Variants in MPDZ observed in about 807,000 individuals in gnomAD.
MPDZ encodes the protein multiple PDZ domain protein.
In MPDZ, 234 loss-of-function variants were observed where a neutral mutation model predicts 239.1. The observed-to-expected ratio is 0.98, with a 90% confidence interval of 0.88 to 1.09. The LOEUF (loss-of-function observed/expected upper bound fraction) is 1.09, where lower values mean the gene tolerates loss of function less well. Among genes scored for constraint, MPDZ ranks in the 50% least tolerant of loss-of-function variants. The pLI is 0.00. For missense variants in MPDZ, 3,175 were observed against 2,510.0 expected (o/e 1.26, Z -5.66); for synonymous variants, 1,048 against 881.3 (o/e 1.19, Z -3.35).
rs138812230 is a variant in MPDZ at position 13,170,746 on chromosome 9, T to C, written c.3056-2182A>G. Among the ~76,000 whole-genome samples the C allele has an allele frequency of 4.9e-3, 749 of 152,302 alleles. 4 individuals carry two copies. The highest frequency in any genetic ancestry group is 0.017 in the African/African-American group (709 of 41,562). ...GCCAACATGATCTCTGAATTCACTT[T>C]TAATAGCATATTTAACTCACGATTC... is the stretch of plus-strand genomic sequence containing the variant. On this transcript the variant is annotated intron_variant, in intron 21 of 46. Coordinates refer to ENST00000319217, the MANE Select transcript of MPDZ (RefSeq NM_001378778.1).
chr9:13,125,401 G>T lies in MPDZ; in HGVS notation c.4633-11C>A. ...CAGAAGGCTAATAAACTGGCAGGGTGTATGTGTGGAAGAGAAACAAAATTC... is the reference window on the plus strand; with the variant it reads ...CAGAAGGCTAATAAACTGGCAGGGTTTATGTGTGGAAGAGAAACAAAATTC... On this transcript the variant is annotated splice_polypyrimidine_tract_variant and intron_variant, in intron 34 of 46. Transcript: ENST00000319217. 6.8e-6 allele frequency: 11 copies of T among 1,610,712 alleles called. No individual in the cohort carries two copies. Among genetic ancestry groups the T allele is most frequent in the Non-Finnish European group, 9.3e-6 (11 of 1,177,504 alleles).
chr9:13,214,838 A>C (rs965557740), intron 10 of MPDZ, among the ~76,000 whole-genome samples: 17 of 152,090 alleles, frequency 1.1e-4, no homozygotes, highest in South Asian at 2.1e-4. Flanking sequence ...TGGCAAGCAC[A>C]ACTTGATCTT....
Position 13,257,927 on chromosome 9 carries a change from C to T in MPDZ, c.-57-7555G>A, listed in dbSNP as rs562232963. On this transcript the variant is annotated intron_variant, in intron 1 of 46. Transcript: ENST00000319217. ...TTTTATCTAACAATCCTACTATGTA[C>T]ATGCTAGCTTAGAAATAACAACATA... 1.3e-4 allele frequency among the ~76,000 whole-genome samples: 20 copies of T among 152,266 alleles called. No homozygotes were observed. In the East Asian group the frequency reaches 3.7e-3, roughly 28 times the overall value.
intron 1 of MPDZ, among the ~76,000 whole-genome samples, chr9:13,250,734 A>G (rs1258202414): frequency 3.4e-5 from 5 of 147,128 alleles, no homozygotes; most frequent in African/African-American, 7.6e-5. Flanking sequence ...TTAACTCCAC[A>G]TAAGAAATTC....
At chr9:13,198,830 T>C (rs1956026017) in intron 12 of MPDZ, among the ~76,000 whole-genome samples, 1 of 150,408 alleles carries the variant, frequency 6.6e-6, no homozygotes. Context: ...GTTGGTGTGA[T>C]GCCTCTAGCT....
intron 10 of MPDZ, among the ~76,000 whole-genome samples, chr9:13,209,628 T>A (rs2135830159): frequency 6.6e-6 from 1 of 152,314 alleles, no homozygotes; most frequent in East Asian, 1.9e-4. Context: ...GGTGCATGTA[T>A]CTTCCTATGA....
At chr9:13,183,606 T>G in intron 18 of MPDZ, 21 bp from the exon 19 acceptor site, 2 of 1,608,734 alleles carry the variant, frequency 1.2e-6, no homozygotes, top group South Asian at 2.2e-5. Flanking sequence ...AACAATAATA[T>G]CAGTTGGGAA....
At chr9:13,133,211 G>A (rs1946261603) in intron 32 of MPDZ, among the ~76,000 whole-genome samples, 1 of 152,108 alleles carries the variant, frequency 6.6e-6, no homozygotes, top group African/African-American at 2.4e-5. Flanking sequence ...GAAAGAGGAA[G>A]ATGTCATCTC....
intron 21 of MPDZ, among the ~76,000 whole-genome samples, chr9:13,171,256 A>C (rs1951742007): frequency 6.6e-6 from 1 of 152,154 alleles, no homozygotes; most frequent in South Asian, 2.1e-4. Context: ...TTTAAAATGC[A>C]TCTCTCCCCC....
At chr9:13,155,783 C>T (rs1949742708) in intron 24 of MPDZ, among the ~76,000 whole-genome samples, 1 of 152,154 alleles carries the variant, frequency 6.6e-6, no homozygotes, top group Admixed American at 6.6e-5. Context: ...TTATTAAAAG[C>T]TCTGGTTACT....
intron 10 of MPDZ, among the ~76,000 whole-genome samples, chr9:13,215,455 C>A (rs1958182811): frequency 6.8e-6 from 1 of 147,468 alleles, no homozygotes; most frequent in Non-Finnish European, 1.5e-5. Flanking sequence ...ATATATATAT[C>A]ACATTTTGTT....
At chr9:13,152,417 T>A (rs1417950905) in intron 24 of MPDZ, among the ~76,000 whole-genome samples, 1 of 152,112 alleles carries the variant, frequency 6.6e-6, no homozygotes, top group Non-Finnish European at 1.5e-5. Context: ...TTCCTGTGCT[T>A]TTCTCATGAT....
At chr9:13,268,152 T>TTATA (rs71491605) in intron 1 of MPDZ, among the ~76,000 whole-genome samples, 54,131 of 146,684 alleles carry the variant, frequency 0.37, 11,980 homozygotes, top group Middle Eastern at 0.55. Flanking sequence ...AAAAGGAAAA[T>TTATA]TATATATATA....
chr9:13,117,148 T>A (rs1282106093), intron 39 of MPDZ, among the ~76,000 whole-genome samples: 1 of 152,194 alleles, frequency 6.6e-6, no homozygotes, highest in Non-Finnish European at 1.5e-5. Context: ...ATAAAAGTTA[T>A]ATGAATGTGA....
Position 13,147,583 on chromosome 9 carries a change from C to T in MPDZ, c.3706G>A (p.Val1236Ile), listed in dbSNP as rs1169299427. 3 of 1,612,370 alleles carry T rather than the reference C, an allele frequency of 1.9e-6. No individual in the cohort carries two copies. The highest frequency in any genetic ancestry group is 1.7e-4 in the Middle Eastern group (1 of 6,046). Residue 1236 changes from valine to isoleucine, a missense_variant, in exon 26 of 47, where the codon GTC (valine) becomes ATC (isoleucine). Val to Ile is a conservative substitution (Grantham distance 29). Coordinates refer to ENST00000319217, the MANE Select transcript of MPDZ (RefSeq NM_001378778.1). Reference protein sequence around the residue: ...EAIRKAGNPVVFMVQSIINRP... With the variant: ...EAIRKAGNPVIFMVQSIINRP... ...TTTATAATGCTCTGTACCATAAAGA[C>T]TACAGGGTTGCCTGCTTTCCGAATG...
chr9:13,181,092 T>C (rs1953255025), intron 19 of MPDZ, among the ~76,000 whole-genome samples: 1 of 152,120 alleles, frequency 6.6e-6, no homozygotes, highest in South Asian at 2.1e-4. Context: ...AAATTATTTG[T>C]TCATACCCTG....
chr9:13,261,822 A>C (rs1047516335), intron 1 of MPDZ, among the ~76,000 whole-genome samples: 41 of 150,184 alleles, frequency 2.7e-4, no homozygotes, highest in African/African-American at 1.0e-3. Flanking sequence ...ACTTTTAGCC[A>C]GGAGCTCAAA....
chr9:13,150,085 T>C (rs1449534225), intron 25 of MPDZ, among the ~76,000 whole-genome samples: 3 of 152,110 alleles, frequency 2.0e-5, no homozygotes, highest in Admixed American at 6.6e-5. Context: ...TGTGTGTACA[T>C]ATACATATAT....
rs753255849 is a variant in MPDZ, at chr9:13,183,449, T to C, written c.2618A>G (p.Tyr873Cys). Reference protein sequence around the residue: ...HGSSCGDGLNYGSSLPSSPPK... With the variant: ...HGSSCGDGLNCGSSLPSSPPK... ...AGGAGATGATGGAAGGGAAGAACCA[T>C]AGTTCAGGCCATCACCACAAGAACT... is the stretch of plus-strand genomic sequence containing the variant. Residue 873 changes from tyrosine to cysteine, a missense_variant, in exon 19 of 47, where the codon TAT becomes TGT. Transcript: ENST00000319217. 4.1e-5 allele frequency: 66 copies of C among 1,610,526 alleles called. No individual in the cohort carries two copies. The highest frequency in any genetic ancestry group is 1.3e-4 in the Admixed American group (8 of 59,450).
Sources: allele counts gnomAD v4.1 joint callset (sites outside exome capture counted in the v4.1 genomes callset), GRCh38; gene constraint gnomAD v4.1.1; transcripts MANE v1.5; gene names NCBI Gene and HGNC (gene_info 2026-07-23, HGNC 2026-07-21).